The following ABTB2 variants were observed in gnomAD, a reference collection of about 807,000 sequenced individuals.
ABTB2 encodes ankyrin repeat and BTB domain containing 2.
In ABTB2, 56 loss-of-function variants were observed where a neutral mutation model predicts 104.1. The ratio of observed to expected loss-of-function variants is 0.54; its 90% CI spans 0.43 to 0.67. The LOEUF (loss-of-function observed/expected upper bound fraction) is 0.67, where lower values mean the gene tolerates loss of function less well. Ranked by LOEUF, ABTB2 falls within the 30% of genes least tolerant of loss-of-function variation. ABTB2 has a pLI of 0.00. For synonymous variants in ABTB2, 606 were observed against 608.2 expected (o/e 1.00, Z 0.05); for missense variants, 1,279 against 1,407.7 (o/e 0.91, Z 1.46).
rs1853277118 is a variant in ABTB2, at chr11:34,197,549, G to A, written c.1031-11C>T. On this transcript the variant is annotated splice_polypyrimidine_tract_variant and intron_variant, in intron 2 of 16. Coordinates refer to ENST00000435224, the MANE Select transcript of ABTB2 (RefSeq NM_145804.3). The stretch of plus-strand genomic sequence containing the variant: ...GGGAGACCAAGTCACCTGGTGGGGG[G>A]CGGGGAGGGCAGAGGGGAGGAAGAG... 2.6e-6 allele frequency: 4 copies of A among 1,547,628 alleles called. No homozygotes were observed. The highest frequency in any genetic ancestry group is 4.6e-5 in the East Asian group (2 of 43,900).
chr11:34,246,832 CTTTTTTTCTTTTTTCTTTTTT>C (rs1320481474), intron 1 of ABTB2, among the ~76,000 whole-genome samples: 1 of 137,784 alleles, frequency 7.3e-6, no homozygotes, highest in Non-Finnish European at 1.5e-5. Flanking sequence ...CATTTCTTTT[CTTTTTTTCTTTTTTCTTTTTT>C]TTTTTTTTTT....
intron 1 of ABTB2, among the ~76,000 whole-genome samples, chr11:34,270,829 C>T (rs945194015): frequency 7.2e-5 from 11 of 151,884 alleles, no homozygotes; most frequent in South Asian, 2.1e-4. Context: ...GATAGCATAT[C>T]GTCAAGTTTT....
rs1396116108 is a variant in ABTB2 at position 34,168,100 on chromosome 11, G to C, written c.1564-108C>G. On this transcript the variant is annotated intron_variant, in intron 5 of 16. Transcript: ENST00000435224. ...ACAGATCGGGCACCCCGCCACCCCA[G>C]CCGAGCATCCTGTGGTCCCCCAGGC... 6.2e-6 allele frequency: 7 copies of C among 1,127,282 alleles called. No homozygotes were observed. In the Admixed American group the frequency reaches 1.4e-4, roughly 22 times the overall value. 69.8% of individuals were successfully genotyped at this position (1,127,282 alleles called of 1,614,324 possible). A position where few individuals can be genotyped will look rare whatever the true frequency, so the allele number is the denominator to read the frequency against.
intron 1 of ABTB2, among the ~76,000 whole-genome samples, chr11:34,223,428 C>A (rs1019489027): frequency 6.6e-6 from 1 of 152,206 alleles, no homozygotes; most frequent in African/African-American, 2.4e-5. Flanking sequence ...TTTGGAGTCT[C>A]CCCTGCGCCA....
At chr11:34,189,565 C>T (rs997774195) in intron 3 of ABTB2, among the ~76,000 whole-genome samples, 1 of 152,218 alleles carries the variant, frequency 6.6e-6, no homozygotes, top group Non-Finnish European at 1.5e-5. Flanking sequence ...CACGCCACTG[C>T]ATCCCACCCT....
chr11:34,151,970 T>G lies in ABTB2; in HGVS notation c.*417A>C. The G allele has an allele frequency of 4.7e-6, 1 of 213,484 alleles. No homozygotes were observed. The highest frequency in any genetic ancestry group is 9.5e-6 in the Non-Finnish European group (1 of 105,564). The allele number at this position is 213,484 out of a possible 1,614,324, so 13.2% of individuals were successfully genotyped here. A position where few individuals can be genotyped will look rare whatever the true frequency, so the allele number is the denominator to read the frequency against. ...GCCTAGGCAGTATGCATTCTATACATTCATAAGGATTCCTGTACCCCCAGG... is the reference window on the plus strand; with the variant it reads ...GCCTAGGCAGTATGCATTCTATACAGTCATAAGGATTCCTGTACCCCCAGG... On this transcript the variant is annotated 3_prime_UTR_variant, in exon 17 of 17. Coordinates refer to ENST00000435224, the MANE Select transcript of ABTB2 (RefSeq NM_145804.3).
chr11:34,188,022 T>C (rs1458438519), intron 3 of ABTB2, among the ~76,000 whole-genome samples: 1 of 152,252 alleles, frequency 6.6e-6, no homozygotes, highest in Non-Finnish European at 1.5e-5. Flanking sequence ...GCAGCTGCCA[T>C]GCACAAACAC....
chr11:34,327,910 G>C (rs946170842), intron 1 of ABTB2, among the ~76,000 whole-genome samples: 25 of 152,158 alleles, frequency 1.6e-4, no homozygotes, highest in Non-Finnish European at 2.6e-4. Context: ...TTTGTCTGCT[G>C]TCTCACTCCC....
rs535005948 is a variant in ABTB2 at position 34,357,189 on chromosome 11, A to C, written c.395T>G (p.Leu132Arg). ...AEAVRRLAGL[L>R]RRALIRVARE... is the part of the protein sequence containing the mutation. The stretch of plus-strand genomic sequence containing the variant: ...GGCCACGCGGATCAGTGCCCTGCGG[A>C]GCAGCCCGGCCAGGCGCCTCACCGC... Residue 132 changes from leucine to arginine, a missense_variant, in exon 1 of 17, where the codon CTC (leucine) becomes CGC (arginine). Leu to Arg is a moderately radical substitution (Grantham distance 102). Transcript: ENST00000435224. 3 of 1,508,216 alleles carry C rather than the reference A, an allele frequency of 2.0e-6. No individual in the cohort carries two copies. Among genetic ancestry groups the C allele is most frequent in the Non-Finnish European group, 2.6e-6 (3 of 1,136,502 alleles). The allele number at this position is 1,508,216 out of a possible 1,614,324, so 93.4% of individuals were successfully genotyped here.
chr11:34,201,480 A>T (rs1459827152), intron 2 of ABTB2, among the ~76,000 whole-genome samples: 1 of 152,124 alleles, frequency 6.6e-6, no homozygotes, highest in African/African-American at 2.4e-5. Context: ...GCGGGTAGAG[A>T]GGGACAAAGA....
At chr11:34,199,388 C>T (rs1853307956) in intron 2 of ABTB2, among the ~76,000 whole-genome samples, 1 of 152,172 alleles carries the variant, frequency 6.6e-6, no homozygotes, top group Non-Finnish European at 1.5e-5. Context: ...CTGACAAACC[C>T]TAGGGCCAAG....
intron 1 of ABTB2, among the ~76,000 whole-genome samples, chr11:34,312,764 A>T (rs1854873174): frequency 1.3e-5 from 2 of 152,266 alleles, no homozygotes; most frequent in South Asian, 4.1e-4. Flanking sequence ...GCAGGGGTGC[A>T]ATCATGGCTC....
In ABTB2 at chr11:34,245,376, C is replaced by T. The variant is rs143315940; in HGVS notation, c.884-40686G>A. Among the ~76,000 whole-genome samples the T allele has an allele frequency of 4.5e-3, 682 of 152,298 alleles. 2 individuals are homozygous for T. The highest frequency in any genetic ancestry group is 8.1e-3 in the Non-Finnish European group (550 of 68,008). The stretch of plus-strand genomic sequence containing the variant: ...GTTTTCCTCATGGAGGAAATCACCC[C>T]CTACAGCAAACCACCCAGGACCAGG... On this transcript the variant is annotated intron_variant, in intron 1 of 16. Coordinates refer to ENST00000435224, the MANE Select transcript of ABTB2 (RefSeq NM_145804.3).
At chr11:34,184,451 G>A (rs982752734) in intron 3 of ABTB2, among the ~76,000 whole-genome samples, 1 of 152,198 alleles carries the variant, frequency 6.6e-6, no homozygotes, top group Non-Finnish European at 1.5e-5. Flanking sequence ...CCGTGTCTGA[G>A]CCTCAGTGGA....
At chr11:34,305,789 C>T (rs1421035278) in intron 1 of ABTB2, among the ~76,000 whole-genome samples, 1 of 152,190 alleles carries the variant, frequency 6.6e-6, no homozygotes, top group East Asian at 1.9e-4. Context: ...CAATTGTTAA[C>T]ATCTTTTATT....
At chr11:34,160,037 TGGCTGAGGAGTCCCCTGCTGG>T (rs1852686801) in intron 12 of ABTB2, 29 bp from the exon 13 acceptor site, 1 of 1,574,902 alleles carries the variant, frequency 6.3e-7, no homozygotes, top group Non-Finnish European at 8.7e-7. Flanking sequence ...CAGAGGGATA[TGGCTGAGGAGTCCCCTGCTGG>T]GGTTTGCTTG....
chr11:34,196,862 C>T (rs114123574), intron 3 of ABTB2, among the ~76,000 whole-genome samples: 48 of 152,346 alleles, frequency 3.2e-4, no homozygotes, highest in South Asian at 1.4e-3. Flanking sequence ...ATAACAATGA[C>T]GGCAGCAATG....
intron 1 of ABTB2, among the ~76,000 whole-genome samples, chr11:34,238,769 T>C (rs1853876791): frequency 2.0e-5 from 3 of 152,210 alleles, no homozygotes; most frequent in African/African-American, 7.2e-5. Context: ...TTTTTTTTCT[T>C]TTGAGTCGGA....
rs1455121477 is a variant in ABTB2 at position 34,239,437 on chromosome 11, C to T, written c.884-34747G>A. Among the ~76,000 whole-genome samples the T allele has an allele frequency of 2.6e-5, 4 of 151,944 alleles. No individual in the cohort carries two copies. The East Asian group carries it at 5.8e-4, about 22-fold the overall frequency. The stretch of plus-strand genomic sequence containing the variant: ...CCTCAAACTCCTGGGCTCAAGCAAT[C>T]CTCCTACCTCAGCCTCCTGAGTAGC... On this transcript the variant is annotated intron_variant, in intron 1 of 16. Transcript: ENST00000435224.
Sources: allele counts gnomAD v4.1 joint callset (sites outside exome capture counted in the v4.1 genomes callset), GRCh38; gene constraint gnomAD v4.1.1; transcripts MANE v1.5; gene names NCBI Gene and HGNC (gene_info 2026-07-23, HGNC 2026-07-21).